Variants in ITGBL1 observed in about 807,000 individuals in gnomAD.
ITGBL1 encodes the protein integrin subunit beta like 1, also known as integrin beta-like protein 1.
ITGBL1 carries 51 observed loss-of-function variants against 68.5 expected under a neutral mutation model. The ratio of observed to expected loss-of-function variants is 0.74; its 90% confidence interval spans 0.59 to 0.94. The LOEUF (loss-of-function observed/expected upper bound fraction) is 0.94, where lower values mean the gene tolerates loss of function less well. Ranked by LOEUF, ITGBL1 falls within the 40% of genes least tolerant of loss-of-function variation. ITGBL1 has a pLI of 0.00. For synonymous variants in ITGBL1, 209 were observed against 227.3 expected, an observed-to-expected ratio of 0.92 and a Z score of 0.72; for missense variants, 649 against 647.4, an observed-to-expected ratio of 1.00 and a Z score of -0.03.
At chr13:101,645,576 A>G (rs1199549267) in intron 7 of ITGBL1, among the ~76,000 whole-genome samples, 2 of 152,234 alleles carry the variant, frequency 1.3e-5, no homozygotes, top group East Asian at 1.9e-4. Context: ...TTTTTCTCTC[A>G]TTCGGGGAAA....
chr13:101,647,620 C>T (rs2032604305), intron 7 of ITGBL1, among the ~76,000 whole-genome samples: 1 of 152,148 alleles, frequency 6.6e-6, no homozygotes, highest in Non-Finnish European at 1.5e-5. Flanking sequence ...CTGAATTTTA[C>T]CCTGTGCAGG....
chr13:101,536,353 A>T (rs1410830227), intron 2 of ITGBL1, among the ~76,000 whole-genome samples: 3 of 152,040 alleles, frequency 2.0e-5, no homozygotes, highest in Non-Finnish European at 4.4e-5. Flanking sequence ...AACTATTTTC[A>T]CCAGAGTGAC....
intron 2 of ITGBL1, among the ~76,000 whole-genome samples, chr13:101,514,144 C>A (rs528655237): frequency 6.6e-6 from 1 of 152,066 alleles, no homozygotes; most frequent in East Asian, 1.9e-4. Context: ...TAACTATATC[C>A]TAAATATTCT....
intron 6 of ITGBL1, among the ~76,000 whole-genome samples, chr13:101,584,616 C>A (rs1016195267): frequency 6.6e-6 from 1 of 152,162 alleles, no homozygotes; most frequent in Admixed American, 6.5e-5. Flanking sequence ...GGGTTTCCCT[C>A]TTCTGATAAT....
At chr13:101,583,106 T>C (rs2050489756) in intron 5 of ITGBL1, 110 bp from the exon 6 acceptor site, 4 of 1,043,504 alleles carry the variant, frequency 3.8e-6, no homozygotes, top group South Asian at 1.4e-5. Context: ...TCTGAATATA[T>C]GTGTTTTTTT....
At chr13:101,457,703 C>CTA (rs1240686041) in intron 2 of ITGBL1, among the ~76,000 whole-genome samples, 1 of 152,078 alleles carries the variant, frequency 6.6e-6, no homozygotes, top group Non-Finnish European at 1.5e-5. Context: ...GTAGTCCCAG[C>CTA]TACTCGGGAG....
At chr13:101,665,480 A>G (rs570802481) in intron 7 of ITGBL1, among the ~76,000 whole-genome samples, 3 of 152,240 alleles carry the variant, frequency 2.0e-5, no homozygotes, top group South Asian at 4.1e-4. Flanking sequence ...ACTTGTATCT[A>G]GGGACCTTGC....
At chr13:101,596,647 A>T (rs535427610) in intron 6 of ITGBL1, among the ~76,000 whole-genome samples, 124 of 152,294 alleles carry the variant, frequency 8.1e-4, no homozygotes, top group African/African-American at 2.9e-3. Flanking sequence ...TTGTCAGTTC[A>T]TGGCCCCCAG....
chr13:101,558,553 A>T (rs904433695), intron 2 of ITGBL1, among the ~76,000 whole-genome samples: 9 of 152,174 alleles, frequency 5.9e-5, no homozygotes, highest in African/African-American at 2.2e-4. Flanking sequence ...CATCAAATCT[A>T]GTGGTCTTCC....
At chr13:101,635,988 A>G (rs1360754493) in intron 7 of ITGBL1, among the ~76,000 whole-genome samples, 1 of 152,162 alleles carries the variant, frequency 6.6e-6, no homozygotes, top group Non-Finnish European at 1.5e-5. Flanking sequence ...CCAATTAACT[A>G]TTAAAAATTA....
intron 7 of ITGBL1, among the ~76,000 whole-genome samples, chr13:101,605,852 ATG>A (rs1465841594): frequency 2.7e-5 from 4 of 150,008 alleles, no homozygotes; most frequent in East Asian, 3.9e-4. Context: ...ATACATATGT[ATG>A]TGTGTATATG....
At chr13:101,720,685 T>C (rs972218465), downstream of ITGBL1, 3 of 152,068 alleles carry the variant, frequency 2.0e-5, no homozygotes, top group African/African-American at 7.2e-5. Context: ...ATGGGATCTA[T>C]GTTTTCTGAA....
intron 7 of ITGBL1, among the ~76,000 whole-genome samples, chr13:101,650,666 C>T (rs888769114): frequency 3.4e-5 from 5 of 147,416 alleles, no homozygotes; most frequent in East Asian, 2.0e-4. Flanking sequence ...GGTACATGTG[C>T]GGGATATGCA....
At chr13:101,461,393 T>A (rs2048315638) in intron 2 of ITGBL1, among the ~76,000 whole-genome samples, 1 of 152,066 alleles carries the variant, frequency 6.6e-6, no homozygotes, top group South Asian at 2.1e-4. Context: ...AGGTAGGTGA[T>A]CAATGCCCTA....
intron 2 of ITGBL1, among the ~76,000 whole-genome samples, chr13:101,541,970 C>A (rs770003176): frequency 6.6e-6 from 1 of 151,970 alleles, no homozygotes; most frequent in African/African-American, 2.4e-5. Context: ...GTCTTGTTAG[C>A]AGTCTATCAA....
At chr13:101,595,644 A>G (rs2029916847) in intron 6 of ITGBL1, among the ~76,000 whole-genome samples, 1 of 152,194 alleles carries the variant, frequency 6.6e-6, no homozygotes, top group Non-Finnish European at 1.5e-5. Flanking sequence ...CAAAACCACA[A>G]TGAAATATGA....
At chr13:101,508,137 C>T (rs551069279) in intron 2 of ITGBL1, among the ~76,000 whole-genome samples, 1 of 152,260 alleles carries the variant, frequency 6.6e-6, no homozygotes, top group South Asian at 2.1e-4. Context: ...GCATTAGTGG[C>T]AATCTGTAAT....
chr13:101,596,691 G>A (rs2029992080), intron 6 of ITGBL1, among the ~76,000 whole-genome samples: 1 of 151,928 alleles, frequency 6.6e-6, no homozygotes, highest in Non-Finnish European at 1.5e-5. Flanking sequence ...AATAAATAGC[G>A]ATCCATTAAA....
At chr13:101,511,594 C>T (rs1327254068) in intron 2 of ITGBL1, among the ~76,000 whole-genome samples, 2 of 152,120 alleles carry the variant, frequency 1.3e-5, no homozygotes, top group Non-Finnish European at 2.9e-5. Context: ...AAAAGCCAGG[C>T]CTTCCCTGGA....
Sources: gnomAD v4.1 joint callset for allele counts (sites outside exome capture counted in the v4.1 genomes callset) on GRCh38, gnomAD v4.1.1 for gene constraint, MANE v1.5 for transcripts, NCBI Gene and HGNC (gene_info 2026-07-23, HGNC 2026-07-21) for gene names.